The following CCDC169 variants were observed in gnomAD, a reference collection of about 807,000 sequenced individuals.
CCDC169 encodes the protein coiled-coil domain-containing protein 169.
Under a neutral mutation model 36.0 loss-of-function variants are expected in CCDC169, and 30 were observed. That is an observed-to-expected ratio of 0.83 (90% confidence interval 0.62 to 1.13). The LOEUF (loss-of-function observed/expected upper bound fraction) is 1.13, where lower values mean the gene tolerates loss of function less well. CCDC169 is among the 50% of genes most tolerant of loss of function. The pLI is 0.00. For missense variants in CCDC169, 245 were observed against 245.9 expected (o/e 1.00, Z 0.03); for synonymous variants, 85 against 81.5 (o/e 1.04, Z -0.23).
intron 2 of CCDC169, among the ~76,000 whole-genome samples, chr13:36,290,286 T>C (rs989524067): frequency 1.1e-4 from 16 of 152,176 alleles, no homozygotes; most frequent in African/African-American, 3.1e-4. Flanking sequence ...CTATCTAAAA[T>C]AATATAATTT....
chr13:36,297,630 G>C lies in CCDC169; in HGVS notation c.83+7C>G. On this transcript the variant is annotated splice_region_variant and intron_variant, in intron 1 of 7. Coordinates refer to ENST00000239859, the MANE Select transcript of CCDC169 (RefSeq NM_001144981.3). ...GGGACCCCACACCGCGCCGCCCGCC[G>C]ACTCACTTCTTGCGGACTTCTTCCA... is the stretch of plus-strand genomic sequence containing the variant. The C allele has an allele frequency of 6.5e-7, 1 of 1,549,890 alleles. No individual in the cohort carries two copies. Among genetic ancestry groups the C allele is most frequent in the Non-Finnish European group, 8.7e-7 (1 of 1,146,970 alleles).
At chr13:36,250,996 T>A (rs758108707) in intron 6 of CCDC169, among the ~76,000 whole-genome samples, 1 of 152,224 alleles carries the variant, frequency 6.6e-6, no homozygotes, top group Non-Finnish European at 1.5e-5. Context: ...AGCTAAAACT[T>A]AAGTTTATTA....
At chr13:36,287,030 TG>T (rs1878339692) in intron 2 of CCDC169, among the ~76,000 whole-genome samples, 1 of 152,206 alleles carries the variant, frequency 6.6e-6, no homozygotes, top group African/African-American at 2.4e-5. Context: ...TCATCCTCTT[TG>T]GGACTGCAGC....
At chr13:36,281,106 C>A in intron 4 of CCDC169, 1 of 349,542 alleles carries the variant, frequency 2.9e-6, no homozygotes, top group Non-Finnish European at 5.6e-6. Context: ...TGAATGATAA[C>A]GTGAAGCAGC....
At chr13:36,292,641 G>A (rs1198258559) in intron 2 of CCDC169, among the ~76,000 whole-genome samples, 2 of 152,186 alleles carry the variant, frequency 1.3e-5, no homozygotes, top group Non-Finnish European at 2.9e-5. Flanking sequence ...AAGCAGATGA[G>A]AAAGTAGAAA....
chr13:36,249,509 C>G (rs919523840), intron 6 of CCDC169, among the ~76,000 whole-genome samples: 2 of 151,772 alleles, frequency 1.3e-5, no homozygotes, highest in Non-Finnish European at 2.9e-5. Context: ...GGCGGGGTCA[C>G]AAGAGAAATG....
At chr13:36,247,784 A>G (rs940640703) in intron 7 of CCDC169, among the ~76,000 whole-genome samples, 3 of 152,214 alleles carry the variant, frequency 2.0e-5, no homozygotes, top group African/African-American at 7.2e-5. Flanking sequence ...ACAGCAAAGG[A>G]TTTAGAATAT....
downstream of CCDC169, among the ~76,000 whole-genome samples, chr13:36,227,663 T>C (rs1870001631): frequency 6.6e-6 from 1 of 152,152 alleles, no homozygotes; most frequent in African/African-American, 2.4e-5. Flanking sequence ...TTACAACAAC[T>C]TTACTGAGGT....
chr13:36,238,641 G>T (rs189723911), intron 7 of CCDC169, among the ~76,000 whole-genome samples: 8 of 152,170 alleles, frequency 5.3e-5, no homozygotes, highest in Admixed American at 2.6e-4. Flanking sequence ...AGTACTAAAT[G>T]ATTTTCTATT....
chr13:36,274,855 T>A (rs1286961686), intron 4 of CCDC169, among the ~76,000 whole-genome samples: 1 of 148,074 alleles, frequency 6.8e-6, no homozygotes, highest in Non-Finnish European at 1.5e-5. Flanking sequence ...AGAGAGAAAA[T>A]TCCATTAGCT....
At chr13:36,242,498 G>A (rs1438801093) in intron 7 of CCDC169, among the ~76,000 whole-genome samples, 1 of 152,040 alleles carries the variant, frequency 6.6e-6, no homozygotes, top group Admixed American at 6.6e-5. Flanking sequence ...AATATTTTGA[G>A]GTAGTACCAA....
chr13:36,230,027 T>G (rs1870243837), downstream of CCDC169, among the ~76,000 whole-genome samples: 1 of 152,202 alleles, frequency 6.6e-6, no homozygotes, highest in African/African-American at 2.4e-5. Flanking sequence ...TTACTTTATA[T>G]TTTTCCACAT....
chr13:36,294,179 C>T (rs1220751414), intron 2 of CCDC169, among the ~76,000 whole-genome samples: 1 of 152,174 alleles, frequency 6.6e-6, no homozygotes, highest in African/African-American at 2.4e-5. Flanking sequence ...TCTCTCCTAT[C>T]ATTCTGACGT....
intron 7 of CCDC169, among the ~76,000 whole-genome samples, chr13:36,235,761 CAG>C (rs1349990896): frequency 2.6e-5 from 4 of 151,788 alleles, no homozygotes; most frequent in African/African-American, 7.2e-5. Context: ...CATACAGACA[CAG>C]ACACATACAT....
At chr13:36,239,385 C>A (rs1170932) in intron 7 of CCDC169, among the ~76,000 whole-genome samples, 127,232 of 152,140 alleles carry the variant, frequency 0.84, 53,242 homozygotes, top group Admixed American at 0.89. Context: ...ATGGTCAACA[C>A]AGTTTGGAAA....
At chr13:36,245,242 A>C (rs1362203700) in intron 7 of CCDC169, among the ~76,000 whole-genome samples, 1 of 152,196 alleles carries the variant, frequency 6.6e-6, no homozygotes, top group Non-Finnish European at 1.5e-5. Flanking sequence ...TTAGTACAGG[A>C]CCAGGGAAAA....
At position 36,245,845 on chromosome 13, in the gene CCDC169, G is replaced by GCAC. The variant is rs1184320006; in HGVS notation, c.545+2758_545+2760dup. 2.6e-5 allele frequency among the ~76,000 whole-genome samples: 4 copies of GCAC among 152,268 alleles called. No individual in the cohort carries two copies. The East Asian group carries it at 5.8e-4, about 22-fold the overall frequency. On this transcript the variant is annotated intron_variant, in intron 7 of 7. Coordinates refer to ENST00000239859, the MANE Select transcript of CCDC169 (RefSeq NM_001144981.3). Reference sequence around the variant, plus strand: ...ACCCCTGTGTTAAGCAAGTCTATCAGCACTATTTTTCCAATGGCATATGTT... The same window carrying GCAC: ...ACCCCTGTGTTAAGCAAGTCTATCAGCACCACTATTTTTCCAATGGCATATGTT...
intron 4 of CCDC169, among the ~76,000 whole-genome samples, chr13:36,263,408 G>A (rs1228185938): frequency 6.6e-6 from 1 of 152,098 alleles, no homozygotes; most frequent in African/African-American, 2.4e-5. Context: ...AAAAATGGAA[G>A]CAGCTGATTT....
At chr13:36,229,342 C>T (rs972220217), downstream of CCDC169, among the ~76,000 whole-genome samples, 19 of 151,996 alleles carry the variant, frequency 1.3e-4, no homozygotes, top group Non-Finnish European at 2.5e-4. Context: ...TTTATGGTAT[C>T]TGAAAAGTAT....
Sources: gnomAD v4.1 joint callset for allele counts (sites outside exome capture counted in the v4.1 genomes callset) on GRCh38, gnomAD v4.1.1 for gene constraint, MANE v1.5 for transcripts, NCBI Gene and HGNC (gene_info 2026-07-23, HGNC 2026-07-21) for gene names.